The following CHSY3 variants were observed in gnomAD, a reference collection of about 807,000 sequenced individuals.
The protein encoded by CHSY3 is chondroitin sulfate synthase 3.
A neutral mutation model predicts 67.2 loss-of-function variants in CHSY3; 35 were observed. The ratio of observed to expected loss-of-function variants is 0.52; its 90% CI spans 0.40 to 0.69. The LOEUF is 0.69. Ranked by LOEUF, CHSY3 falls within the 30% of genes least tolerant of loss-of-function variation. The pLI, the probability that CHSY3 is intolerant of heterozygous loss-of-function variation, is 0.00. For missense variants in CHSY3, 1,069 were observed against 1,138.5 expected (o/e 0.94, Z 0.88); for synonymous variants, 474 against 434.7 (o/e 1.09, Z -1.12).
At chr5:130,176,602 A>G (rs1169490766) in intron 2 of CHSY3, among the ~76,000 whole-genome samples, 6 of 151,738 alleles carry the variant, frequency 4.0e-5, no homozygotes, top group African/African-American at 1.2e-4. Context: ...CCAAATGCCC[A>G]TCAGTGATAG....
At chr5:130,111,589 C>A (rs1447055598) in intron 2 of CHSY3, among the ~76,000 whole-genome samples, 1 of 152,030 alleles carries the variant, frequency 6.6e-6, no homozygotes, top group East Asian at 1.9e-4. Context: ...TAGGTTAAGG[C>A]AATAATTTCC....
chr5:129,904,060 C>T (rs1216665847), upstream of CHSY3, among the ~76,000 whole-genome samples: 3 of 151,996 alleles, frequency 2.0e-5, no homozygotes, highest in African/African-American at 7.2e-5. Flanking sequence ...ACCCGAGCTC[C>T]GCCGATGAGG....
At chr5:130,031,790 T>A (rs1450616243) in intron 2 of CHSY3, among the ~76,000 whole-genome samples, 1 of 152,196 alleles carries the variant, frequency 6.6e-6, no homozygotes, top group East Asian at 1.9e-4. Flanking sequence ...TCAGAAATTA[T>A]GCAAGATAGT....
intron 2 of CHSY3, among the ~76,000 whole-genome samples, chr5:130,057,496 C>CT (rs1348690861): frequency 6.6e-6 from 1 of 152,010 alleles, no homozygotes; most frequent in East Asian, 1.9e-4. Context: ...TAATGTGATG[C>CT]TTTTAGAAGG....
chr5:130,010,283 T>A (rs565098505), intron 2 of CHSY3, among the ~76,000 whole-genome samples: 2 of 152,182 alleles, frequency 1.3e-5, no homozygotes, highest in Non-Finnish European at 2.9e-5. Flanking sequence ...CCAGCCATAC[T>A]CTTGGACCAC....
At chr5:129,933,850 A>G (rs1185135054) in intron 2 of CHSY3, among the ~76,000 whole-genome samples, 2 of 152,100 alleles carry the variant, frequency 1.3e-5, no homozygotes, top group African/African-American at 4.8e-5. Context: ...TAGAAGTTGT[A>G]CCTAGCATTT....
intron 2 of CHSY3, among the ~76,000 whole-genome samples, chr5:130,160,895 A>ATTTT (rs1235724208): frequency 1.4e-5 from 2 of 142,492 alleles, no homozygotes; most frequent in African/African-American, 5.4e-5. Context: ...TTATTTATTT[A>ATTTT]TTTTTTTTTT....
chr5:130,144,679 A>T lies in CHSY3; in HGVS notation c.1087-39550A>T, dbSNP rs190756371. Among the ~76,000 whole-genome samples, 314 of 152,308 alleles carry T rather than the reference A, an allele frequency of 2.1e-3. 2 individuals are homozygous for T. Among genetic ancestry groups the T allele is most frequent in the African/African-American group, 7.2e-3 (300 of 41,576 alleles). On this transcript the variant is annotated intron_variant, in intron 2 of 2. Transcript: ENST00000305031. Reference sequence around the variant, plus strand: ...CTTAATTTTTTTAATGGAACTAAAGACACCAAATAAATAGCCAAAGCAATC... The same window carrying T: ...CTTAATTTTTTTAATGGAACTAAAGTCACCAAATAAATAGCCAAAGCAATC...
chr5:130,132,120 T>C (rs1188990367), intron 2 of CHSY3, among the ~76,000 whole-genome samples: 3 of 152,168 alleles, frequency 2.0e-5, no homozygotes, highest in African/African-American at 7.2e-5. Flanking sequence ...TATACTCTTT[T>C]CCCTTTTGAC....
chr5:130,061,850 A>C (rs988063723), intron 2 of CHSY3, among the ~76,000 whole-genome samples: 2 of 152,014 alleles, frequency 1.3e-5, no homozygotes, highest in African/African-American at 4.8e-5. Context: ...ACCGCAATGA[A>C]ATAGCATCTT....
intron 2 of CHSY3, among the ~76,000 whole-genome samples, chr5:130,018,958 C>G (rs986507558): frequency 6.6e-6 from 1 of 152,092 alleles, no homozygotes; most frequent in Admixed American, 6.6e-5. Context: ...TGCCCGCTTC[C>G]CCTCGGACCA....
intron 2 of CHSY3, among the ~76,000 whole-genome samples, chr5:130,102,537 C>T (rs939581806): frequency 1.3e-5 from 2 of 151,646 alleles, no homozygotes; most frequent in African/African-American, 4.8e-5. Context: ...TCGTTTTTAG[C>T]AGTAACCACA....
At chr5:130,005,561 G>A (rs998057383) in intron 2 of CHSY3, among the ~76,000 whole-genome samples, 4 of 152,094 alleles carry the variant, frequency 2.6e-5, no homozygotes, top group Non-Finnish European at 5.9e-5. Context: ...TTAATAGTCT[G>A]AAGATATTGT....
chr5:130,035,763 C>G (rs1335079018), intron 2 of CHSY3, among the ~76,000 whole-genome samples: 1 of 151,820 alleles, frequency 6.6e-6, no homozygotes, highest in East Asian at 1.9e-4. Context: ...ATTCAAATGA[C>G]AAGATCAGTG....
At position 130,118,357 on chromosome 5, in the gene CHSY3, C is replaced by T. The variant is rs113961334; in HGVS notation, c.1087-65872C>T. Among the ~76,000 whole-genome samples the T allele has an allele frequency of 3.0e-3, 457 of 152,154 alleles. 2 individuals are homozygous for T. Among genetic ancestry groups the T allele is most frequent in the African/African-American group, 0.011 (439 of 41,500 alleles). ...CTTAACAAAACAATCAGAATTTACC[C>T]AGTTGTTTTTATCAGTGAAGCAGGT... On this transcript the variant is annotated intron_variant, in intron 2 of 2. Transcript: ENST00000305031.
chr5:129,923,285 A>AG (rs1275572194), intron 2 of CHSY3, among the ~76,000 whole-genome samples: 1 of 152,124 alleles, frequency 6.6e-6, no homozygotes, highest in African/African-American at 2.4e-5. Context: ...GAGAAGAAAA[A>AG]GAAAAAAAAT....
intron 2 of CHSY3, among the ~76,000 whole-genome samples, chr5:130,032,114 A>T (rs572862679): frequency 1.3e-5 from 2 of 152,136 alleles, no homozygotes; most frequent in African/African-American, 4.8e-5. Flanking sequence ...GTAAATACCA[A>T]CTACATAAAT....
chr5:130,118,336 A>G (rs566677276), intron 2 of CHSY3, among the ~76,000 whole-genome samples: 2 of 152,316 alleles, frequency 1.3e-5, no homozygotes, highest in South Asian at 4.1e-4. Context: ...GATAAACTTA[A>G]CAAAACAATC....
intron 2 of CHSY3, among the ~76,000 whole-genome samples, chr5:130,048,651 C>T (rs1286606634): frequency 6.6e-6 from 1 of 151,992 alleles, no homozygotes; most frequent in African/African-American, 2.4e-5. Context: ...TCTCTCTCTG[C>T]CCCCTGCCTG....
Sources: allele counts gnomAD v4.1 joint callset (sites outside exome capture counted in the v4.1 genomes callset), GRCh38; gene constraint gnomAD v4.1.1; transcripts MANE v1.5; gene names NCBI Gene and HGNC (gene_info 2026-07-23, HGNC 2026-07-21).